The following CCSER1 variants were observed in gnomAD, a reference collection of about 807,000 sequenced individuals.
The protein encoded by CCSER1 is serine-rich coiled-coil domain-containing protein 1.
In CCSER1, 41 loss-of-function variants were observed where a neutral mutation model predicts 82.0. The ratio of observed to expected loss-of-function variants is 0.50; its 90% CI spans 0.39 to 0.65. The LOEUF is 0.65. CCSER1 is among the 30% of genes least tolerant of loss of function. The probability of loss-of-function intolerance (pLI) is 0.00; values close to 1 mark genes in which losing one functional copy is unlikely to be tolerated. For missense variants in CCSER1, 1,119 were observed against 1,064.2 expected (o/e 1.05, Z -0.72); for synonymous variants, 414 against 383.9 (o/e 1.08, Z -0.92).
chr4:91,358,650 C>G (rs1749032925), intron 10 of CCSER1, among the ~76,000 whole-genome samples: 1 of 152,200 alleles, frequency 6.6e-6, no homozygotes, highest in East Asian at 1.9e-4. Context: ...CACGCTTCCA[C>G]TCAGATGGAG....
At chr4:90,298,749 G>A (rs376518742) in intron 1 of CCSER1, among the ~76,000 whole-genome samples, 345 of 152,084 alleles carry the variant, frequency 2.3e-3, no homozygotes, top group African/African-American at 8.0e-3. Flanking sequence ...ATTTCGTTAT[G>A]TACCCAGTAG....
chr4:91,414,215 A>AAAC (rs200050105), intron 10 of CCSER1, among the ~76,000 whole-genome samples: 3,563 of 152,258 alleles, frequency 0.023, 114 homozygotes, highest in African/African-American at 0.079. Flanking sequence ...CAAAAATACT[A>AAAC]ATAACTATCA....
At chr4:91,163,734 T>A (rs1367662109) in intron 10 of CCSER1, among the ~76,000 whole-genome samples, 2 of 151,922 alleles carry the variant, frequency 1.3e-5, no homozygotes, top group Non-Finnish European at 2.9e-5. Flanking sequence ...GTCTGTTTTT[T>A]CAGAGACTAG....
intron 10 of CCSER1, among the ~76,000 whole-genome samples, chr4:91,100,471 C>T (rs1420926670): frequency 3.9e-5 from 6 of 152,032 alleles, no homozygotes; most frequent in Admixed American, 6.6e-5. Context: ...TTACTGTCTG[C>T]GTTGACTAGT....
chr4:90,187,159 A>G (rs1734757966), intron 1 of CCSER1, among the ~76,000 whole-genome samples: 1 of 151,906 alleles, frequency 6.6e-6, no homozygotes, highest in Non-Finnish European at 1.5e-5. Context: ...TTGACAAATC[A>G]CTTAGGAGAA....
rs536041621 is a variant in CCSER1 at position 90,973,380 on chromosome 4, A to G, written c.2172+49933A>G. Among the ~76,000 whole-genome samples the G allele has an allele frequency of 9.9e-4, 150 of 151,834 alleles. 2 individuals are homozygous for G. Among genetic ancestry groups the G allele is most frequent in the African/African-American group, 3.4e-3 (140 of 41,460 alleles). The stretch of plus-strand genomic sequence containing the variant: ...AGGCTCAGTCATTTCTCCAAATAAG[A>G]TGTATGAAAGGCCAACTGTTATATG... On this transcript the variant is annotated intron_variant, in intron 9 of 10. Coordinates refer to ENST00000509176, the MANE Select transcript of CCSER1 (RefSeq NM_001145065.2).
chr4:91,072,478 A>T (rs1023706010), intron 9 of CCSER1, among the ~76,000 whole-genome samples: 1 of 152,164 alleles, frequency 6.6e-6, no homozygotes. Context: ...GGTAAAAATG[A>T]CATGGTTTAG....
At chr4:90,934,792 A>G (rs546580178) in intron 9 of CCSER1, among the ~76,000 whole-genome samples, 4 of 152,104 alleles carry the variant, frequency 2.6e-5, no homozygotes, top group Non-Finnish European at 4.4e-5. Flanking sequence ...TTAGCTGGAC[A>G]TGGTGGCACA....
At chr4:91,062,104 TA>T (rs1164314293) in intron 9 of CCSER1, among the ~76,000 whole-genome samples, 3 of 152,114 alleles carry the variant, frequency 2.0e-5, no homozygotes, top group Admixed American at 6.6e-5. Context: ...ATTTACTCAT[TA>T]AAAAAACAAG....
At chr4:91,492,415 G>C (rs954906079) in intron 10 of CCSER1, among the ~76,000 whole-genome samples, 3 of 152,080 alleles carry the variant, frequency 2.0e-5, no homozygotes, top group African/African-American at 7.2e-5. Flanking sequence ...TGCTCTCGGA[G>C]ATCTGGGTAA....
rs542935465 is a variant in CCSER1, at chr4:90,999,314, T to A, written c.2172+75867T>A. On this transcript the variant is annotated intron_variant, in intron 9 of 10. Coordinates refer to ENST00000509176, the MANE Select transcript of CCSER1 (RefSeq NM_001145065.2). Reference sequence around the variant, plus strand: ...TCTTTGAGAAATCTCCAAATTGTTTTCCAAAGTGGCTGAATTAATTTACAT... The same window carrying A: ...TCTTTGAGAAATCTCCAAATTGTTTACCAAAGTGGCTGAATTAATTTACAT... 2.0e-5 allele frequency among the ~76,000 whole-genome samples: 3 copies of A among 152,306 alleles called. No homozygotes were observed. The South Asian group carries it at 6.2e-4, about 32-fold the overall frequency.
Position 91,297,365 on chromosome 4 carries a change from TTG to T in CCSER1, c.2217+211389_2217+211390del, listed in dbSNP as rs764634343. 7.0e-3 allele frequency among the ~76,000 whole-genome samples: 905 copies of T among 128,754 alleles called. 6 individuals are homozygous for T. Among genetic ancestry groups the T allele is most frequent in the South Asian group, 0.02 (82 of 4,020 alleles). The allele number at this position is 128,754 out of a possible 152,430, so 84.5% of individuals were successfully genotyped here. Reference sequence around the variant, plus strand: ...CTGCTCACCTGAGGAGAATGGATGCTTGTGTGTGTGTGTGTGTGTATGTGTGT... The same window carrying T: ...CTGCTCACCTGAGGAGAATGGATGCTTGTGTGTGTGTGTGTGTATGTGTGT... On this transcript the variant is annotated intron_variant, in intron 10 of 10. Coordinates refer to ENST00000509176, the MANE Select transcript of CCSER1 (RefSeq NM_001145065.2).
intron 6 of CCSER1, among the ~76,000 whole-genome samples, chr4:90,702,004 C>T (rs945803240): frequency 2.6e-5 from 4 of 152,102 alleles, no homozygotes; most frequent in Non-Finnish European, 4.4e-5. Flanking sequence ...GAACTTCCAA[C>T]GCTACATTGA....
At position 90,171,824 on chromosome 4, in the gene CCSER1, G is replaced by A. The variant is rs533514496; in HGVS notation, c.-42+43993G>A. Among the ~76,000 whole-genome samples, 3 of 151,924 alleles carry A rather than the reference G, an allele frequency of 2.0e-5. No individual in the cohort carries two copies. In the East Asian group the frequency reaches 5.8e-4, roughly 29 times the overall value. Reference sequence around the variant, plus strand: ...ATCAGCCTGAAACCAATAAATTTCTGTTGAGTACTACTCTGTATATATTAT... The same window carrying A: ...ATCAGCCTGAAACCAATAAATTTCTATTGAGTACTACTCTGTATATATTAT... On this transcript the variant is annotated intron_variant, in intron 1 of 10. Transcript: ENST00000509176.
At chr4:91,376,287 G>C (rs1370206433) in intron 10 of CCSER1, among the ~76,000 whole-genome samples, 1 of 152,172 alleles carries the variant, frequency 6.6e-6, no homozygotes, top group Non-Finnish European at 1.5e-5. Context: ...CACAAGCCTA[G>C]ATGGAATAGC....
At chr4:91,349,423 GTAATGGT>G (rs1748311368) in intron 10 of CCSER1, among the ~76,000 whole-genome samples, 1 of 64,396 alleles carries the variant, frequency 1.6e-5, no homozygotes, top group African/African-American at 1.5e-4. Flanking sequence ...TTCTCCTGAT[GTAATGGT>G]TAAGTTGTAG....
At chr4:91,343,351 T>G (rs1235315416) in intron 10 of CCSER1, among the ~76,000 whole-genome samples, 1 of 152,170 alleles carries the variant, frequency 6.6e-6, no homozygotes, top group Non-Finnish European at 1.5e-5. Context: ...CAGCTTTTTC[T>G]GCTTTAGCTA....
chr4:90,359,958 G>T (rs1745056572), intron 3 of CCSER1, among the ~76,000 whole-genome samples: 1 of 141,930 alleles, frequency 7.0e-6, no homozygotes, highest in Admixed American at 7.1e-5. Context: ...TCACACTGTT[G>T]CCCTGGCTGG....
chr4:90,307,991 C>T (rs1313053388), intron 1 of CCSER1, among the ~76,000 whole-genome samples: 1 of 152,150 alleles, frequency 6.6e-6, no homozygotes, highest in Non-Finnish European at 1.5e-5. Context: ...AGCCAACACT[C>T]TTGCATAAAC....
Sources: gnomAD v4.1 joint callset for allele counts (sites outside exome capture counted in the v4.1 genomes callset) on GRCh38, gnomAD v4.1.1 for gene constraint, MANE v1.5 for transcripts, NCBI Gene and HGNC (gene_info 2026-07-23, HGNC 2026-07-21) for gene names.